Variants in MCU observed in about 807,000 individuals in gnomAD.
MCU encodes mitochondrial calcium uniporter.
MCU carries 12 observed loss-of-function variants against 45.2 expected under a neutral mutation model. The ratio of observed to expected loss-of-function variants is 0.27; its 90% CI spans 0.17 to 0.43. The LOEUF (loss-of-function observed/expected upper bound fraction) is 0.43. Among genes scored for constraint, MCU ranks in the 20% least tolerant of loss-of-function variants. The pLI is 1.00. For synonymous variants in MCU, 160 were observed against 165.1 expected (o/e 0.97, Z 0.24); for missense variants, 324 against 436.7 (o/e 0.74, Z 2.30).
intron 1 of MCU, among the ~76,000 whole-genome samples, chr10:72,741,961 G>T (rs1375702203): frequency 6.8e-6 from 1 of 147,720 alleles, no homozygotes; most frequent in Non-Finnish European, 1.5e-5. Context: ...CCGGGAGGCG[G>T]AGCTTGTAGT....
chr10:72,786,109 TC>T (rs762908415), intron 1 of MCU, among the ~76,000 whole-genome samples: 62 of 152,244 alleles, frequency 4.1e-4, no homozygotes, highest in Admixed American at 1.0e-3. Flanking sequence ...GCTGTGGAGA[TC>T]ATTTCATTAT....
chr10:72,692,367 GGGCAGGCC>G, intron 1 of MCU, 66 bp downstream of exon 1: 1 of 1,138,262 alleles, frequency 8.8e-7, no homozygotes, highest in Non-Finnish European at 1.1e-6. Flanking sequence ...AGCCGCCGGC[GGGCAGGCC>G]GCCGGGGCAG....
At chr10:72,854,144 T>C (rs1344719567) in intron 2 of MCU, among the ~76,000 whole-genome samples, 1 of 150,402 alleles carries the variant, frequency 6.6e-6, no homozygotes, top group Non-Finnish European at 1.5e-5. Context: ...ATAAAATAAA[T>C]TAGCTGGGCA....
chr10:72,740,870 A>G (rs996112957), intron 1 of MCU, among the ~76,000 whole-genome samples: 6 of 152,216 alleles, frequency 3.9e-5, no homozygotes, highest in Non-Finnish European at 8.8e-5. Context: ...AAAGTTTACA[A>G]TCTCATAGGC....
intron 1 of MCU, among the ~76,000 whole-genome samples, chr10:72,734,727 CCTCTGCCTCCCAA>C (rs1843228315): frequency 6.6e-6 from 1 of 152,158 alleles, no homozygotes; most frequent in Non-Finnish European, 1.5e-5. Context: ...AATCCTCCCA[CCTCTGCCTCCCAA>C]GTAGCTAGGA....
At chr10:72,817,620 ATTGTTG>A (rs968003189) in intron 1 of MCU, among the ~76,000 whole-genome samples, 1 of 152,146 alleles carries the variant, frequency 6.6e-6, no homozygotes, top group South Asian at 2.1e-4. Flanking sequence ...TTTTTGTTTT[ATTGTTG>A]TTGTTGTTTT....
chr10:72,721,558 A>G (rs1589431899), intron 1 of MCU, among the ~76,000 whole-genome samples: 1 of 152,216 alleles, frequency 6.6e-6, no homozygotes, highest in South Asian at 2.1e-4. Context: ...CACCTACCTC[A>G]TAGGATTTTT....
At chr10:72,777,904 C>G (rs964111393) in intron 1 of MCU, among the ~76,000 whole-genome samples, 1 of 152,094 alleles carries the variant, frequency 6.6e-6, no homozygotes, top group African/African-American at 2.4e-5. Context: ...AGAAGACATA[C>G]AAATGGCCAA....
chr10:72,752,186 G>A (rs562669391), intron 1 of MCU, among the ~76,000 whole-genome samples: 1 of 151,662 alleles, frequency 6.6e-6, no homozygotes, highest in Non-Finnish European at 1.5e-5. Context: ...TCAACCCTTA[G>A]GAGATAATAC....
chr10:72,740,820 A>G (rs917385616), intron 1 of MCU, among the ~76,000 whole-genome samples: 3 of 152,214 alleles, frequency 2.0e-5, no homozygotes, highest in South Asian at 2.1e-4. Flanking sequence ...ATTTAATCCA[A>G]TTGTGACAGA....
intron 1 of MCU, among the ~76,000 whole-genome samples, chr10:72,748,449 C>T (rs563416633): frequency 6.6e-6 from 1 of 152,068 alleles, no homozygotes; most frequent in African/African-American, 2.4e-5. Flanking sequence ...ATCTTTTCCC[C>T]ATCAGATCGA....
At chr10:72,729,952 C>A (rs1025504796) in intron 1 of MCU, among the ~76,000 whole-genome samples, 1 of 90,528 alleles carries the variant, frequency 1.1e-5, no homozygotes, top group Non-Finnish European at 2.3e-5. Context: ...CTTCAGCATT[C>A]TTTTTTTTTT....
At chr10:72,771,358 A>G (rs1018086213) in intron 1 of MCU, among the ~76,000 whole-genome samples, 14 of 152,176 alleles carry the variant, frequency 9.2e-5, no homozygotes, top group Admixed American at 6.5e-4. Context: ...ATGTCCCTGT[A>G]AAGGACACAA....
chr10:72,801,797 G>A (rs544793343), intron 1 of MCU, among the ~76,000 whole-genome samples: 121 of 150,946 alleles, frequency 8.0e-4, no homozygotes, highest in African/African-American at 2.8e-3. Context: ...TCAGCCTCCC[G>A]GGTAACTGAG....
intron 1 of MCU, among the ~76,000 whole-genome samples, chr10:72,741,269 T>C (rs1158458060): frequency 6.6e-6 from 1 of 151,950 alleles, no homozygotes; most frequent in Non-Finnish European, 1.5e-5. Flanking sequence ...CCGGCTAATT[T>C]TTTGTATTTT....
intron 1 of MCU, among the ~76,000 whole-genome samples, chr10:72,744,651 G>A (rs1009272910): frequency 6.6e-6 from 1 of 152,192 alleles, no homozygotes; most frequent in African/African-American, 2.4e-5. Flanking sequence ...GTTTAGGGAG[G>A]AGAAAATGCC....
chr10:72,873,222 C>G (rs887835866), intron 6 of MCU, among the ~76,000 whole-genome samples: 4 of 151,532 alleles, frequency 2.6e-5, no homozygotes, highest in Non-Finnish European at 5.9e-5. Flanking sequence ...GTTTCACCGT[C>G]TTAGCCAGGA....
At chr10:72,726,228 A>G (rs1843098667) in intron 1 of MCU, among the ~76,000 whole-genome samples, 1 of 146,118 alleles carries the variant, frequency 6.8e-6, no homozygotes, top group Non-Finnish European at 1.5e-5. Flanking sequence ...GTCTATCAGC[A>G]CACACATACT....
chr10:72,812,687 C>T (rs527416259), intron 1 of MCU, among the ~76,000 whole-genome samples: 2 of 152,284 alleles, frequency 1.3e-5, no homozygotes, highest in South Asian at 4.1e-4. Context: ...ACATAAAGGG[C>T]TGTTTTCTGA....
Sources: allele counts gnomAD v4.1 joint callset (sites outside exome capture counted in the v4.1 genomes callset), GRCh38; gene constraint gnomAD v4.1.1; transcripts MANE v1.5; gene names NCBI Gene and HGNC (gene_info 2026-07-23, HGNC 2026-07-21).